PGR: variants seen among roughly 807,000 people sequenced by gnomAD.
PGR encodes the protein nuclear receptor subfamily 3 group C member 3.
PGR carries 25 observed loss-of-function variants against 76.1 expected under a neutral mutation model. The observed-to-expected ratio is 0.33, with a 90% CI of 0.24 to 0.46. PGR has a LOEUF of 0.46. Among genes scored for constraint, PGR ranks in the 20% least tolerant of loss-of-function variants. The pLI, the probability that PGR is intolerant of heterozygous loss-of-function variation, is 1.00. For missense variants in PGR, 1,172 were observed against 1,225.3 expected, an observed-to-expected ratio of 0.96 and a Z score of 0.65; for synonymous variants, 579 against 535.0, an observed-to-expected ratio of 1.08 and a Z score of -1.14.
chr11:101,056,642 G>GAAAAAA (rs200810746), intron 4 of PGR, among the ~76,000 whole-genome samples: 1 of 120,944 alleles, frequency 8.3e-6, no homozygotes. Flanking sequence ...CCTATCTCAA[G>GAAAAAA]AAAAAAAAAA....
intron 2 of PGR, among the ~76,000 whole-genome samples, chr11:101,101,273 A>G (rs117055251): frequency 1.0e-3 from 152 of 152,338 alleles, no homozygotes; most frequent in Non-Finnish European, 1.7e-3. Context: ...ACATGAGTAC[A>G]TAATGATATG....
chr11:101,067,883 T>C (rs1484174848), intron 3 of PGR, among the ~76,000 whole-genome samples: 1 of 151,742 alleles, frequency 6.6e-6, no homozygotes. Flanking sequence ...GAAAAAAACA[T>C]CTCAAAACTA....
At chr11:101,084,226 T>C (rs940088419) in intron 3 of PGR, among the ~76,000 whole-genome samples, 1 of 152,222 alleles carries the variant, frequency 6.6e-6, no homozygotes, top group African/African-American at 2.4e-5. Context: ...GTAAGTTTCC[T>C]GACGTTGCCT....
chr11:101,059,371 G>A (rs1860401540), intron 4 of PGR, among the ~76,000 whole-genome samples: 1 of 151,780 alleles, frequency 6.6e-6, no homozygotes, highest in Non-Finnish European at 1.5e-5. Context: ...AATATGTCTT[G>A]TTCATTAAAA....
chr11:101,064,055 C>G lies in PGR; in HGVS notation c.1907-1303G>C, dbSNP rs542254126. 12 of 152,084 alleles carry G rather than the reference C, an allele frequency of 7.9e-5. No homozygotes were observed. In the East Asian group the frequency reaches 2.1e-3, roughly 27 times the overall value. The allele number at this position is 152,084 out of a possible 1,614,324, so 9.4% of individuals were successfully genotyped here. A position where few individuals can be genotyped will look rare whatever the true frequency, so the allele number is the denominator to read the frequency against. ...TATAAAGCCCCAAGGAATGGCCAGGCATGGTGAGCTCATGCCTGTAGTTCT... is the reference window on the plus strand; with the variant it reads ...TATAAAGCCCCAAGGAATGGCCAGGGATGGTGAGCTCATGCCTGTAGTTCT... On this transcript the variant is annotated intron_variant, in intron 3 of 7. Coordinates refer to ENST00000325455, the MANE Select transcript of PGR (RefSeq NM_000926.4).
At chr11:101,062,804 C>T (rs749655469) in intron 3 of PGR, 52 bp from the exon 4 acceptor site, 1 of 1,208,216 alleles carries the variant, frequency 8.3e-7, no homozygotes, top group South Asian at 1.3e-5. Context: ...AACTCCATAT[C>T]CCAGTATAGT....
At chr11:101,081,018 A>G (rs1861288408) in intron 3 of PGR, among the ~76,000 whole-genome samples, 1 of 152,222 alleles carries the variant, frequency 6.6e-6, no homozygotes, top group Non-Finnish European at 1.5e-5. Context: ...CATTCCTCAG[A>G]AAGTAGGAGA....
chr11:101,082,730 C>T (rs2135442254), intron 3 of PGR, among the ~76,000 whole-genome samples: 1 of 152,270 alleles, frequency 6.6e-6, no homozygotes, highest in Admixed American at 6.5e-5. Context: ...ATGTATGTGA[C>T]CTGGCTGTTT....
chr11:101,044,174 A>G (rs770659848), intron 6 of PGR, among the ~76,000 whole-genome samples: 27 of 152,346 alleles, frequency 1.8e-4, no homozygotes, highest in Non-Finnish European at 3.1e-4. Context: ...AGCTACTTTC[A>G]TAAGTAGCGA....
Position 101,068,949 on chromosome 11 carries a change from T to C in PGR, c.1907-6197A>G, listed in dbSNP as rs191441432. ...AACCTAGGCAATACCATTCAGGACA[T>C]AGGCATGGGCAAAGACTTCATGACT... On this transcript the variant is annotated intron_variant, in intron 3 of 7. Coordinates refer to ENST00000325455, the MANE Select transcript of PGR (RefSeq NM_000926.4). Among the ~76,000 whole-genome samples the C allele has an allele frequency of 3.1e-3, 477 of 152,264 alleles. 4 individuals carry two copies. Among genetic ancestry groups the C allele is most frequent in the African/African-American group, 9.1e-3 (377 of 41,536 alleles).
intron 2 of PGR, among the ~76,000 whole-genome samples, chr11:101,099,950 T>C (rs191821203): frequency 5.3e-4 from 81 of 152,298 alleles, no homozygotes; most frequent in Non-Finnish European, 3.7e-4. Context: ...CAGATCTTAT[T>C]TGTTCTTCCC....
chr11:101,076,538 T>G (rs1267528973), intron 3 of PGR, among the ~76,000 whole-genome samples: 2 of 152,012 alleles, frequency 1.3e-5, no homozygotes, highest in African/African-American at 4.8e-5. Flanking sequence ...TTAAATATCA[T>G]GCATTGAAAA....
chr11:101,045,961 C>A (rs1363344786), intron 6 of PGR, among the ~76,000 whole-genome samples: 1 of 151,998 alleles, frequency 6.6e-6, no homozygotes, highest in Non-Finnish European at 1.5e-5. Flanking sequence ...TGGACTACTT[C>A]AAATAGCAGT....
chr11:101,089,652 A>G (rs2135453556), intron 3 of PGR, among the ~76,000 whole-genome samples: 1 of 141,734 alleles, frequency 7.1e-6, no homozygotes, highest in South Asian at 2.6e-4. Flanking sequence ...ACTGAAAGAA[A>G]GGGATGGGGT....
At chr11:101,111,582 G>A (rs1215810697) in intron 2 of PGR, among the ~76,000 whole-genome samples, 2 of 152,140 alleles carry the variant, frequency 1.3e-5, no homozygotes, top group Non-Finnish European at 2.9e-5. Flanking sequence ...CCATTTCTGG[G>A]TCCCTTTCTT....
rs1859398660 is a variant in PGR at position 101,033,000 on chromosome 11, T to C, written c.*6116A>G. ...CTCCATGTAACTTTTGTAAATCATA[T>C]TTAATCCTCTCAAAATACAAAGAAC... is the stretch of plus-strand genomic sequence containing the variant. On this transcript the variant is annotated 3_prime_UTR_variant, in exon 8 of 8. Transcript: ENST00000325455. 1 of 189,434 alleles carries C rather than the reference T, an allele frequency of 5.3e-6. No homozygotes were observed. The highest frequency in any genetic ancestry group is 1.9e-4 in the South Asian group (1 of 5,148). 11.7% of individuals were successfully genotyped at this position (189,434 alleles called of 1,614,324 possible).
At chr11:101,087,975 G>A (rs1404129611) in intron 3 of PGR, among the ~76,000 whole-genome samples, 1 of 152,050 alleles carries the variant, frequency 6.6e-6, no homozygotes, top group African/African-American at 2.4e-5. Flanking sequence ...AGGATCACTT[G>A]AGCCCAGAAG....
chr11:101,069,669 C>T (rs1860850396), intron 3 of PGR, among the ~76,000 whole-genome samples: 1 of 152,304 alleles, frequency 6.6e-6, no homozygotes, highest in Non-Finnish European at 1.5e-5. Context: ...CCATGGAATA[C>T]TATGCAGCCA....
chr11:101,041,667 A>G (rs912555913), intron 7 of PGR: 12 of 367,286 alleles, frequency 3.3e-5, no homozygotes, highest in African/African-American at 1.7e-4. Flanking sequence ...TTTAGGCACA[A>G]ATATTTTAGA....
Sources: gnomAD v4.1 joint callset for allele counts (sites outside exome capture counted in the v4.1 genomes callset) on GRCh38, gnomAD v4.1.1 for gene constraint, MANE v1.5 for transcripts, NCBI Gene and HGNC (gene_info 2026-07-23, HGNC 2026-07-21) for gene names.